RIMS2: variants seen among roughly 807,000 people sequenced by gnomAD.
The protein encoded by RIMS2 is regulating synaptic membrane exocytosis protein 2.
RIMS2 carries 59 observed loss-of-function variants against 174.4 expected under a neutral mutation model. The observed-to-expected ratio is 0.34, with a 90% CI of 0.27 to 0.42. The LOEUF (loss-of-function observed/expected upper bound fraction) is 0.42, where lower values mean the gene tolerates loss of function less well. Ranked by LOEUF, RIMS2 falls within the 10% of genes least tolerant of loss-of-function variation. RIMS2 has a pLI of 1.00. For missense variants in RIMS2, 1,620 were observed against 1,666.3 expected (o/e 0.97, Z 0.48); for synonymous variants, 606 against 572.5 (o/e 1.06, Z -0.84).
At chr8:104,223,923 G>T in intron 19 of RIMS2, 2 of 732,948 alleles carry the variant, frequency 2.7e-6, no homozygotes, top group East Asian at 3.0e-5. Flanking sequence ...GACTGTGCCG[G>T]GGGCGACAGC....
At chr8:104,183,602 T>A (rs1215148469) in intron 19 of RIMS2, among the ~76,000 whole-genome samples, 2 of 150,186 alleles carry the variant, frequency 1.3e-5, no homozygotes, top group African/African-American at 4.9e-5. Context: ...AACTTTGACT[T>A]TTTTTAGAGA....
In RIMS2 at chr8:104,237,930, A is replaced by G. The variant is rs192263649; in HGVS notation, c.3335-6986A>G. Reference sequence around the variant, plus strand: ...TGTCCCCATATTGAGGTCTTGCAGGACCAAATAAATAAATAAATAAACATC... The same window carrying G: ...TGTCCCCATATTGAGGTCTTGCAGGGCCAAATAAATAAATAAATAAACATC... On this transcript the variant is annotated intron_variant, in intron 19 of 23. Transcript: ENST00000504942. 8.3e-4 allele frequency among the ~76,000 whole-genome samples: 127 copies of G among 152,264 alleles called. 1 individual carries two copies. Among genetic ancestry groups the G allele is most frequent in the Admixed American group, 8.2e-3 (125 of 15,278 alleles).
intron 2 of RIMS2, among the ~76,000 whole-genome samples, chr8:103,751,512 G>A (rs995906319): frequency 2.6e-5 from 4 of 151,664 alleles, no homozygotes; most frequent in Non-Finnish European, 5.9e-5. Flanking sequence ...GATCCCTGAG[G>A]AATCACCACA....
At chr8:103,522,803 G>A (rs888663179) in intron 1 of RIMS2, among the ~76,000 whole-genome samples, 9 of 152,106 alleles carry the variant, frequency 5.9e-5, no homozygotes, top group African/African-American at 2.2e-4. Flanking sequence ...CCAGTTATTG[G>A]TAACTTACTT....
At chr8:104,247,508 T>C (rs1410292729) in intron 20 of RIMS2, among the ~76,000 whole-genome samples, 1 of 152,180 alleles carries the variant, frequency 6.6e-6, no homozygotes, top group Non-Finnish European at 1.5e-5. Flanking sequence ...TATGGCCAAA[T>C]ACAGACATAT....
intron 3 of RIMS2, among the ~76,000 whole-genome samples, chr8:103,826,216 G>A (rs1195508535): frequency 1.3e-5 from 2 of 151,942 alleles, no homozygotes; most frequent in African/African-American, 4.8e-5. Flanking sequence ...ATGAGTAGAA[G>A]TTTTAATTCT....
chr8:103,988,106 A>G (rs1447273244), intron 16 of RIMS2, among the ~76,000 whole-genome samples: 1 of 152,242 alleles, frequency 6.6e-6, no homozygotes, highest in African/African-American at 2.4e-5. Flanking sequence ...TCCATTTTGA[A>G]AAAAGAAGAG....
At chr8:103,548,829 T>C (rs897839174) in intron 1 of RIMS2, among the ~76,000 whole-genome samples, 5 of 151,902 alleles carry the variant, frequency 3.3e-5, no homozygotes, top group African/African-American at 1.2e-4. Flanking sequence ...AGTTTTAGGG[T>C]ACCAAATCAG....
At chr8:103,882,116 C>T (rs1373057349) in intron 3 of RIMS2, among the ~76,000 whole-genome samples, 1 of 151,276 alleles carries the variant, frequency 6.6e-6, no homozygotes, top group Non-Finnish European at 1.5e-5. Context: ...CTGCTAAATG[C>T]CTTATGGTTC....
intron 15 of RIMS2, among the ~76,000 whole-genome samples, chr8:103,968,019 T>C (rs1376407277): frequency 6.6e-6 from 1 of 151,702 alleles, no homozygotes; most frequent in African/African-American, 2.4e-5. Context: ...TGCCACCACA[T>C]CTGGCTAATT....
chr8:103,789,008 T>C (rs2098470744), intron 3 of RIMS2, among the ~76,000 whole-genome samples: 1 of 152,188 alleles, frequency 6.6e-6, no homozygotes, highest in Non-Finnish European at 1.5e-5. Context: ...AAAAGCGCAG[T>C]ATTCGGGTGG....
chr8:103,555,871 A>G (rs1477452550), intron 1 of RIMS2, among the ~76,000 whole-genome samples: 4 of 152,014 alleles, frequency 2.6e-5, no homozygotes, highest in Non-Finnish European at 5.9e-5. Context: ...AAAAGAAGGA[A>G]ATCCTATCAT....
At chr8:104,107,246 C>T (rs944612997) in intron 19 of RIMS2, among the ~76,000 whole-genome samples, 3 of 152,132 alleles carry the variant, frequency 2.0e-5, no homozygotes, top group African/African-American at 7.2e-5. Context: ...AGTACCTACT[C>T]ATCCTTCACC....
At chr8:103,569,840 G>C (rs1001939745) in intron 1 of RIMS2, among the ~76,000 whole-genome samples, 1 of 147,392 alleles carries the variant, frequency 6.8e-6, no homozygotes, top group Non-Finnish European at 1.5e-5. Context: ...CTGGTCTTTC[G>C]CAGGCTGGTC....
intron 2 of RIMS2, among the ~76,000 whole-genome samples, chr8:103,729,525 T>C (rs1216392110): frequency 1.3e-5 from 2 of 152,170 alleles, no homozygotes; most frequent in Non-Finnish European, 2.9e-5. Flanking sequence ...AAACTAACTT[T>C]GTTTTATTGA....
intron 19 of RIMS2, among the ~76,000 whole-genome samples, chr8:104,048,385 AC>A (rs1233982606): frequency 6.6e-6 from 1 of 152,170 alleles, no homozygotes; most frequent in East Asian, 1.9e-4. Flanking sequence ...TATCATGCCC[AC>A]CTATTTAAAA....
At chr8:103,510,881 G>T (rs1826132391) in intron 1 of RIMS2, among the ~76,000 whole-genome samples, 1 of 151,862 alleles carries the variant, frequency 6.6e-6, no homozygotes, top group African/African-American at 2.4e-5. Flanking sequence ...ATCTTTGGGG[G>T]GCCATTTATT....
intron 3 of RIMS2, among the ~76,000 whole-genome samples, chr8:103,815,012 T>C (rs562716056): frequency 6.6e-6 from 1 of 152,348 alleles, no homozygotes; most frequent in Non-Finnish European, 1.5e-5. Context: ...AAGATTGTTA[T>C]AATTTTAGAG....
intron 19 of RIMS2, chr8:104,094,550 A>G: frequency 1.4e-6 from 1 of 702,118 alleles, no homozygotes; most frequent in Admixed American, 2.0e-5. Flanking sequence ...AGGAAGAGGT[A>G]AAGGAAGAAA....
Sources: gnomAD v4.1 joint callset for allele counts (sites outside exome capture counted in the v4.1 genomes callset) on GRCh38, gnomAD v4.1.1 for gene constraint, MANE v1.5 for transcripts, NCBI Gene and HGNC (gene_info 2026-07-23, HGNC 2026-07-21) for gene names.